The following BMP6 variants were observed in gnomAD, a reference collection of about 807,000 sequenced individuals.
BMP6 encodes VG-1-R.
Under a neutral mutation model 54.1 loss-of-function variants are expected in BMP6, and 17 were observed. The ratio of observed to expected loss-of-function variants is 0.31; its 90% CI spans 0.22 to 0.47. The LOEUF (loss-of-function observed/expected upper bound fraction) is 0.47, where lower values mean the gene tolerates loss of function less well. Ranked by LOEUF, BMP6 falls within the 20% of genes least tolerant of loss-of-function variation. The probability of loss-of-function intolerance (pLI) is 1.00; values close to 1 mark genes in which losing one functional copy is unlikely to be tolerated. For synonymous variants in BMP6, 328 were observed against 291.2 expected, an observed-to-expected ratio of 1.13 and a Z score of -1.28; for missense variants, 720 against 690.4, an observed-to-expected ratio of 1.04 and a Z score of -0.48.
chr6:7,786,584 G>A (rs1758023900), intron 1 of BMP6, among the ~76,000 whole-genome samples: 1 of 150,640 alleles, frequency 6.6e-6, no homozygotes, highest in African/African-American at 2.4e-5. Flanking sequence ...ACCAGCACCT[G>A]TTACTACAGG....
Position 7,821,867 on chromosome 6 carries a change from C to G in BMP6, c.665-23273C>G, listed in dbSNP as rs147931840. Among the ~76,000 whole-genome samples, 1,062 of 152,266 alleles carry G rather than the reference C, an allele frequency of 7.0e-3. 2 individuals are homozygous for G. Among genetic ancestry groups the G allele is most frequent in the Non-Finnish European group, 0.011 (716 of 68,026 alleles). On this transcript the variant is annotated intron_variant, in intron 1 of 6. Transcript: ENST00000283147. ...ACAAGGCACACTGAAAAGGTCTATA[C>G]AGAGGGACTTTGGCTGTTCGGAATG... is the stretch of plus-strand genomic sequence containing the variant.
intron 2 of BMP6, among the ~76,000 whole-genome samples, chr6:7,849,600 T>G (rs1347623218): frequency 6.6e-6 from 1 of 152,214 alleles, no homozygotes; most frequent in Non-Finnish European, 1.5e-5. Context: ...CATTTTGAGG[T>G]CTTTAGAGAA....
intron 1 of BMP6, among the ~76,000 whole-genome samples, chr6:7,752,909 G>A (rs1757448424): frequency 6.6e-6 from 1 of 152,042 alleles, no homozygotes; most frequent in African/African-American, 2.4e-5. Flanking sequence ...ATTATCTGCT[G>A]GGCATAATAA....
intron 1 of BMP6, among the ~76,000 whole-genome samples, chr6:7,785,807 T>C (rs1758011795): frequency 6.6e-6 from 1 of 152,202 alleles, no homozygotes; most frequent in Non-Finnish European, 1.5e-5. Context: ...TGAAGAAATA[T>C]GTCCTTCCAA....
At chr6:7,782,580 C>T (rs1393455923) in intron 1 of BMP6, among the ~76,000 whole-genome samples, 3 of 152,102 alleles carry the variant, frequency 2.0e-5, no homozygotes, top group Non-Finnish European at 4.4e-5. Flanking sequence ...TGAGGTGGCC[C>T]ACGCCTGCAG....
intron 5 of BMP6, 70 bp from the exon 6 acceptor site, chr6:7,879,920 AT>A (rs1759685876): frequency 6.8e-7 from 1 of 1,460,592 alleles, no homozygotes; most frequent in African/African-American, 1.4e-5. Context: ...TTTTCACAGC[AT>A]TCCTGAAAAG....
intron 1 of BMP6, among the ~76,000 whole-genome samples, chr6:7,770,145 A>G (rs745614578): frequency 2.6e-5 from 4 of 152,022 alleles, no homozygotes; most frequent in Non-Finnish European, 4.4e-5. Context: ...GAGCTTGGAA[A>G]CTGCCTTTTT....
At chr6:7,860,526 C>T (rs1333716571) in intron 2 of BMP6, among the ~76,000 whole-genome samples, 6 of 152,162 alleles carry the variant, frequency 3.9e-5, no homozygotes, top group African/African-American at 7.2e-5. Flanking sequence ...ACCCTCACAC[C>T]GTCATCCCAC....
intron 1 of BMP6, among the ~76,000 whole-genome samples, chr6:7,739,198 T>C (rs1762005922): frequency 6.6e-6 from 1 of 152,168 alleles, no homozygotes. Context: ...GCATTTTGTT[T>C]CTAAAGACTG....
intron 1 of BMP6, among the ~76,000 whole-genome samples, chr6:7,748,359 T>G (rs1757375110): frequency 6.6e-6 from 1 of 152,100 alleles, no homozygotes; most frequent in South Asian, 2.1e-4. Flanking sequence ...AAGGGGCCAT[T>G]AAAAAGATCT....
intron 1 of BMP6, among the ~76,000 whole-genome samples, chr6:7,744,399 CCAG>C (rs1757317218): frequency 6.6e-6 from 1 of 152,022 alleles, no homozygotes; most frequent in Non-Finnish European, 1.5e-5. Context: ...TCACTTGAAC[CCAG>C]GAGGCCGAGG....
intron 2 of BMP6, among the ~76,000 whole-genome samples, chr6:7,852,111 G>T (rs891932629): frequency 6.6e-6 from 1 of 152,108 alleles, no homozygotes. Flanking sequence ...AAAAGTTCTA[G>T]ATACTGTTAT....
intron 1 of BMP6, among the ~76,000 whole-genome samples, chr6:7,782,323 G>GA (rs1757960484): frequency 6.6e-6 from 1 of 152,188 alleles, no homozygotes; most frequent in Admixed American, 6.5e-5. Flanking sequence ...TGAGACATCA[G>GA]AGGGGGATTG....
chr6:7,835,432 T>C (rs1758857938), intron 1 of BMP6, among the ~76,000 whole-genome samples: 1 of 152,218 alleles, frequency 6.6e-6, no homozygotes, highest in Non-Finnish European at 1.5e-5. Flanking sequence ...GAATACAGGC[T>C]GAGAGTTGTT....
intron 1 of BMP6, among the ~76,000 whole-genome samples, chr6:7,808,111 G>C (rs1260172487): frequency 1.3e-5 from 2 of 151,472 alleles, no homozygotes; most frequent in African/African-American, 4.9e-5. Flanking sequence ...TAGTAGAGAT[G>C]GGGTTTCACC....
intron 1 of BMP6, among the ~76,000 whole-genome samples, chr6:7,815,662 A>T (rs1439507793): frequency 1.3e-5 from 2 of 152,242 alleles, no homozygotes; most frequent in African/African-American, 4.8e-5. Context: ...ACAAATTCAA[A>T]AAGTTTTAAA....
Position 7,727,269 on chromosome 6 carries a change from C to G in BMP6, c.314C>G (p.Pro105Arg), listed in dbSNP as rs1455354525. ...CACGGCCTCCAACAGCCGCAGCCCC[C>G]GGCGCTCCGGCAGCAGGAGGAGCAG... ...PLHGLQQPQP[P>R]ALRQQEEQQQ... The change falls in exon 1 of 7, where the codon CCG (proline) becomes CGG (arginine). Residue 105 changes from proline to arginine, a missense_variant. Pro to Arg is a moderately radical substitution (Grantham distance 103, BLOSUM62 -2). Around this residue, in one of 3 missense-constraint regions of BMP6, gnomAD observed 650 missense variants for 556.3 expected, o/e 1.17. Coordinates refer to ENST00000283147, the MANE Select transcript of BMP6 (RefSeq NM_001718.6). The G allele has an allele frequency of 9.3e-6, 15 of 1,605,060 alleles. No individual in the cohort carries two copies. Among genetic ancestry groups the G allele is most frequent in the Non-Finnish European group, 1.2e-5 (14 of 1,176,574 alleles).
chr6:7,826,105 T>C (rs929981150), intron 1 of BMP6, among the ~76,000 whole-genome samples: 3 of 152,196 alleles, frequency 2.0e-5, no homozygotes, highest in African/African-American at 7.2e-5. Flanking sequence ...CCCAGGAGCA[T>C]GCAGTGGTGC....
chr6:7,857,724 C>G (rs1297041856), intron 2 of BMP6, among the ~76,000 whole-genome samples: 1 of 152,208 alleles, frequency 6.6e-6, no homozygotes, highest in African/African-American at 2.4e-5. Flanking sequence ...CTAGGAAGGC[C>G]ATGTATCCCT....
Sources: gnomAD v4.1 joint callset for allele counts (sites outside exome capture counted in the v4.1 genomes callset) on GRCh38, gnomAD v4.1.1 for gene constraint, gnomAD v4.1.1 regional missense constraint, MANE v1.5 for transcripts, NCBI Gene and HGNC (gene_info 2026-07-23, HGNC 2026-07-21) for gene names.